PCDH11X: variants seen among roughly 807,000 people sequenced by gnomAD.
PCDH11X encodes protocadherin 11 X-linked.
PCDH11X carries 18 observed loss-of-function variants against 53.3 expected under a neutral mutation model. That is an observed-to-expected ratio of 0.34 (90% CI 0.23 to 0.50). The LOEUF (loss-of-function observed/expected upper bound fraction) is 0.50, where lower values mean the gene tolerates loss of function less well. PCDH11X is among the 20% of genes least tolerant of loss of function. PCDH11X has a pLI of 0.98. For missense variants in PCDH11X, 570 were observed against 1,032.4 expected, an observed-to-expected ratio of 0.55 and a Z score of 6.14; for synonymous variants, 279 against 393.3, an observed-to-expected ratio of 0.71 and a Z score of 3.44.
intron 9 of PCDH11X, among the ~76,000 whole-genome samples, chrX:92,457,215 G>C (rs1309281622): frequency 9.2e-6 from 1 of 109,256 alleles, no homozygotes; most frequent in Admixed American, 9.8e-5. Flanking sequence ...ATTATTCAGA[G>C]ACTGTATTTT....
At chrX:91,885,133 CTG>C (rs1395159303) in intron 6 of PCDH11X, among the ~76,000 whole-genome samples, 1 of 106,770 alleles carries the variant, frequency 9.4e-6, no homozygotes, top group African/African-American at 3.4e-5. Flanking sequence ...ATTATAATGA[CTG>C]TGAGTATAAC....
At position 91,916,610 on chromosome X, in the gene PCDH11X, C is replaced by T. The variant is rs755846441; in HGVS notation, c.3033+37337C>T. On this transcript the variant is annotated intron_variant, in intron 6 of 10. Transcript: ENST00000682573. ...TTCCTGAAAACATGCAACCCTCCCA[C>T]GTTAAATTGGGAAGAAATAGAAACT... Among the ~76,000 whole-genome samples the T allele has an allele frequency of 8.7e-4, 96 of 109,984 alleles. 1 individual carries two copies. The highest frequency in any genetic ancestry group is 3.1e-3 in the African/African-American group (93 of 30,421).
intron 6 of PCDH11X, chrX:91,883,774 C>T: frequency 2.9e-5 from 20 of 691,905 alleles, no homozygotes; most frequent in Non-Finnish European, 3.4e-5. Context: ...CACTGCACTC[C>T]AGCCTGGGTG....
intron 6 of PCDH11X, among the ~76,000 whole-genome samples, chrX:92,100,277 T>C (rs2064215461): frequency 9.0e-6 from 1 of 111,600 alleles, no homozygotes; most frequent in South Asian, 3.8e-4. Context: ...CAAACAGGCT[T>C]TGTGTGAGCA....
At chrX:92,565,617 AG>A (rs1486737237) in intron 10 of PCDH11X, among the ~76,000 whole-genome samples, 3 of 98,929 alleles carry the variant, frequency 3.0e-5, no homozygotes, top group Non-Finnish European at 6.2e-5. Flanking sequence ...AGAGAGTAAA[AG>A]GATAGTTACC....
chrX:92,320,818 G>C (rs1330226788), intron 8 of PCDH11X, among the ~76,000 whole-genome samples: 2 of 111,365 alleles, frequency 1.8e-5, no homozygotes, highest in Non-Finnish European at 3.8e-5. Context: ...GGGTAGGAGC[G>C]TTATGCTGAA....
At chrX:91,907,412 C>CACACACACACACACAG (rs756926383) in intron 6 of PCDH11X, among the ~76,000 whole-genome samples, 7 of 57,494 alleles carry the variant, frequency 1.2e-4, no homozygotes, top group Non-Finnish European at 1.8e-4. Context: ...CACACACACA[C>CACACACACACACACAG]AGAGAGAGAG....
chrX:92,244,125 T>C (rs957794821), intron 7 of PCDH11X, among the ~76,000 whole-genome samples: 5 of 110,031 alleles, frequency 4.5e-5, no homozygotes, highest in Non-Finnish European at 9.5e-5. Context: ...CCCATGAGCC[T>C]AAGATAGAAA....
intron 8 of PCDH11X, among the ~76,000 whole-genome samples, chrX:92,380,835 G>A (rs1257333112): frequency 1.2e-5 from 1 of 85,701 alleles, no homozygotes; most frequent in Non-Finnish European, 2.2e-5. Context: ...TTTACTCCTT[G>A]GACCATAGCA....
intron 6 of PCDH11X, among the ~76,000 whole-genome samples, chrX:92,198,777 T>G (rs1292073664): frequency 2.7e-5 from 3 of 111,428 alleles, no homozygotes; most frequent in Non-Finnish European, 5.6e-5. Context: ...TTGCAAAAAC[T>G]TTATTATTGT....
chrX:92,425,729 A>C (rs1285913023), intron 9 of PCDH11X, among the ~76,000 whole-genome samples: 1 of 82,831 alleles, frequency 1.2e-5, no homozygotes, highest in Non-Finnish European at 2.3e-5. Context: ...GAAGATGAAA[A>C]GTCTGGGTAT....
chrX:91,787,990 T>C (rs10126817), intron 1 of PCDH11X, among the ~76,000 whole-genome samples: 35,898 of 110,407 alleles, frequency 0.33, 4,886 homozygotes, highest in African/African-American at 0.52. Flanking sequence ...GTCCAAACCC[T>C]TCATTTTACA....
chrX:92,024,921 G>A (rs2062945872), intron 6 of PCDH11X, among the ~76,000 whole-genome samples: 1 of 109,726 alleles, frequency 9.1e-6, no homozygotes, highest in Admixed American at 9.8e-5. Flanking sequence ...ATTGGGAAAA[G>A]GATTCCCTAT....
chrX:92,361,877 AT>A (rs1204933028), intron 8 of PCDH11X, among the ~76,000 whole-genome samples: 3 of 110,097 alleles, frequency 2.7e-5, no homozygotes, highest in Non-Finnish European at 3.8e-5. Flanking sequence ...GTTTGTATTA[AT>A]TTGGCTATTC....
intron 8 of PCDH11X, among the ~76,000 whole-genome samples, chrX:92,381,333 A>C (rs1034404122): frequency 9.0e-6 from 1 of 111,344 alleles, no homozygotes; most frequent in Non-Finnish European, 1.9e-5. Flanking sequence ...ATTGTTTTCC[A>C]TGTGCTAATG....
At chrX:92,282,328 A>G (rs1357802692) in intron 8 of PCDH11X, among the ~76,000 whole-genome samples, 3 of 111,799 alleles carry the variant, frequency 2.7e-5, no homozygotes, top group East Asian at 5.6e-4. Context: ...TACAAAACCT[A>G]CAGGATTTTA....
chrX:92,332,280 A>G (rs988960821), intron 8 of PCDH11X, among the ~76,000 whole-genome samples: 3 of 112,023 alleles, frequency 2.7e-5, no homozygotes, highest in African/African-American at 9.8e-5. Flanking sequence ...ATTACTTTTG[A>G]CAATAGCTTT....
intron 6 of PCDH11X, among the ~76,000 whole-genome samples, chrX:91,966,677 T>C (rs1317701443): frequency 9.0e-6 from 1 of 111,165 alleles, no homozygotes; most frequent in African/African-American, 3.3e-5. Flanking sequence ...ATAATAAAAT[T>C]GCCTTTCAAA....
chrX:92,163,181 C>T (rs977237170), intron 6 of PCDH11X, among the ~76,000 whole-genome samples: 7 of 109,764 alleles, frequency 6.4e-5, no homozygotes, highest in East Asian at 2.9e-4. Flanking sequence ...TCACTCCCAC[C>T]GTGCCCCCCG....
Sources: gnomAD v4.1 joint callset for allele counts (sites outside exome capture counted in the v4.1 genomes callset) on GRCh38, gnomAD v4.1.1 for gene constraint, MANE v1.5 for transcripts, NCBI Gene and HGNC (gene_info 2026-07-23, HGNC 2026-07-21) for gene names.